The following PLAC9 variants were observed in gnomAD, a reference collection of about 807,000 sequenced individuals.
PLAC9 encodes placenta associated 9.
A neutral mutation model predicts 11.5 loss-of-function variants in PLAC9; 12 were observed. The ratio of observed to expected loss-of-function variants is 1.05; its 90% CI spans 0.67 to 1.69. The LOEUF (loss-of-function observed/expected upper bound fraction) is 1.69. Ranked by LOEUF, PLAC9 falls within the 40% of genes most tolerant of loss-of-function variation. The pLI, the probability that PLAC9 is intolerant of heterozygous loss-of-function variation, is 0.00. For missense variants in PLAC9, 132 were observed against 130.5 expected (o/e 1.01, Z -0.06); for synonymous variants, 62 against 58.1 (o/e 1.07, Z -0.31).
intron 1 of PLAC9, among the ~76,000 whole-genome samples, chr10:80,134,754 G>A (rs7071629): frequency 0.51 from 78,020 of 151,926 alleles, 21,104 homozygotes; most frequent in Non-Finnish European, 0.6. Flanking sequence ...TCATTTGTTT[G>A]ATCCAAATAA....
Position 80,144,287 on chromosome 10 carries a change from A to C in PLAC9, c.227A>C (p.Glu76Ala). Residue 76 changes from glutamate to alanine, a missense_variant, in exon 3 of 4, where the codon GAG (glutamate) becomes GCG (alanine). Physicochemically the swap from Glu to Ala is moderately radical, Grantham distance 107 (BLOSUM62 -1). Transcript: ENST00000372263. ...EVKGLLGLLE[E>A]LAWNLPPGPF... ...AAAGGCCTGCTGGGCCTGCTGGAGGAGCTGGCCTGGAACCTGCCCCCGGGA... is the reference window on the plus strand; with the variant it reads ...AAAGGCCTGCTGGGCCTGCTGGAGGCGCTGGCCTGGAACCTGCCCCCGGGA... 6.2e-7 allele frequency: 1 copy of C among 1,613,516 alleles called. No homozygotes were observed. Among genetic ancestry groups the C allele is most frequent in the Non-Finnish European group, 8.5e-7 (1 of 1,179,998 alleles).
intron 1 of PLAC9, among the ~76,000 whole-genome samples, chr10:80,136,302 C>T (rs1341502312): frequency 1.3e-5 from 2 of 152,276 alleles, no homozygotes; most frequent in East Asian, 3.9e-4. Flanking sequence ...GGTCCATTTC[C>T]CAACTGGCAG....
At chr10:80,132,552 G>T, upstream of PLAC9, 1 of 444,058 alleles carries the variant, frequency 2.3e-6, no homozygotes, top group Non-Finnish European at 4.0e-6. Flanking sequence ...GTGGCACGTC[G>T]GTGCCTCAGC....
Position 80,144,974 on chromosome 10 carries a change from G to T in PLAC9, c.*64G>T. On this transcript the variant is annotated 3_prime_UTR_variant, in exon 4 of 4. Coordinates refer to ENST00000372263, the MANE Select transcript of PLAC9 (RefSeq NM_001012973.3). ...CTGCCAGGCAGCGCCCACAGAACCA[G>T]CCCTGTCCTCTCGACTTCCTTCCTT... is the stretch of plus-strand genomic sequence containing the variant. 1.3e-6 allele frequency: 2 copies of T among 1,548,682 alleles called. No individual in the cohort carries two copies. The highest frequency in any genetic ancestry group is 8.8e-7 in the Non-Finnish European group (1 of 1,141,872).
At chr10:80,133,919 G>A (rs1485510409) in intron 1 of PLAC9, among the ~76,000 whole-genome samples, 1 of 145,370 alleles carries the variant, frequency 6.9e-6, no homozygotes, top group Non-Finnish European at 1.5e-5. Flanking sequence ...AATCCAGCCT[G>A]GGTGACAGAG....
intron 1 of PLAC9, among the ~76,000 whole-genome samples, chr10:80,133,419 C>T (rs537338386): frequency 6.6e-6 from 1 of 152,334 alleles, no homozygotes; most frequent in East Asian, 1.9e-4. Context: ...AGCCACACTC[C>T]AAAGGATGAG....
chr10:80,138,775 G>A (rs369321284), intron 1 of PLAC9, among the ~76,000 whole-genome samples: 7 of 152,160 alleles, frequency 4.6e-5, no homozygotes, highest in East Asian at 1.9e-4. Flanking sequence ...AACTGCAGAT[G>A]GCCCCTTGGC....
intron 1 of PLAC9, among the ~76,000 whole-genome samples, chr10:80,141,748 G>T (rs551709752): frequency 1.3e-5 from 2 of 152,126 alleles, no homozygotes; most frequent in African/African-American, 2.4e-5. Flanking sequence ...TCCAGCCACC[G>T]CGGGCTCCCT....
chr10:80,139,602 T>C (rs905118652), intron 1 of PLAC9, among the ~76,000 whole-genome samples: 10 of 152,162 alleles, frequency 6.6e-5, no homozygotes, highest in Non-Finnish European at 1.3e-4. Flanking sequence ...GCATCCCTCA[T>C]TCTGCACATC....
chr10:80,142,283 C>G, intron 2 of PLAC9, 104 bp downstream of exon 2: 1 of 923,352 alleles, frequency 1.1e-6, no homozygotes. Flanking sequence ...GACATCCGGG[C>G]CGATCCTGCC....
chr10:80,133,963 GAAGGA>G (rs1372359091), intron 1 of PLAC9, among the ~76,000 whole-genome samples: 1 of 146,658 alleles, frequency 6.8e-6, no homozygotes, highest in Non-Finnish European at 1.5e-5. Context: ...AAAAAAAGAA[GAAGGA>G]AAGGAGGAAA....
intron 1 of PLAC9, among the ~76,000 whole-genome samples, chr10:80,135,547 T>C (rs1189408520): frequency 1.3e-5 from 2 of 150,324 alleles, no homozygotes; most frequent in Admixed American, 6.7e-5. Context: ...CCATGTTGGC[T>C]AGGCTGGTCT....
intron 1 of PLAC9, among the ~76,000 whole-genome samples, chr10:80,138,876 C>T (rs1438312704): frequency 5.3e-5 from 8 of 152,084 alleles, no homozygotes; most frequent in South Asian, 2.1e-4. Flanking sequence ...TTTGGATGCC[C>T]GCATCCATGG....
chr10:80,145,119 C>G lies in PLAC9; in HGVS notation c.*209C>G. 1.4e-6 allele frequency: 1 copy of G among 714,152 alleles called. No homozygotes were observed. Among genetic ancestry groups the G allele is most frequent in the Non-Finnish European group, 2.5e-6 (1 of 402,822 alleles). 44.2% of individuals were successfully genotyped at this position (714,152 alleles called of 1,614,324 possible). A position where few individuals can be genotyped will look rare whatever the true frequency, so the allele number is the denominator to read the frequency against. ...CCTGGAGGAAGCCTGCAACCCCCTC[C>G]AGGCTCAGACCTGGGGACACCCCCA... On this transcript the variant is annotated 3_prime_UTR_variant, in exon 4 of 4. Transcript: ENST00000372263.
At chr10:80,144,056 T>C in intron 2 of PLAC9, 167 bp from the exon 3 acceptor site, 1 of 863,858 alleles carries the variant, frequency 1.2e-6, no homozygotes, top group Non-Finnish European at 1.8e-6. Context: ...CTGGGGAAAC[T>C]GAGGCAGGTA....
chr10:80,135,308 C>T (rs1025856962), intron 1 of PLAC9, among the ~76,000 whole-genome samples: 15 of 143,414 alleles, frequency 1.0e-4, no homozygotes, highest in Non-Finnish European at 2.2e-4. Context: ...AGGTGTGAGC[C>T]ACTGCGCCCG....
At chr10:80,138,725 T>A (rs1286277323) in intron 1 of PLAC9, among the ~76,000 whole-genome samples, 1 of 152,174 alleles carries the variant, frequency 6.6e-6, no homozygotes, top group East Asian at 1.9e-4. Flanking sequence ...ACATCCATCA[T>A]CAGCTCTGTC....
chr10:80,140,149 T>C (rs1476123811), intron 1 of PLAC9, among the ~76,000 whole-genome samples: 1 of 152,070 alleles, frequency 6.6e-6, no homozygotes, highest in African/African-American at 2.4e-5. Context: ...GTTCAGGAAG[T>C]TCATCCTTGG....
chr10:80,138,909 C>G (rs7070596), intron 1 of PLAC9, among the ~76,000 whole-genome samples: 21,491 of 151,292 alleles, frequency 0.14, 2,759 homozygotes, highest in African/African-American at 0.35. Context: ...TATTGTCACT[C>G]TCTGAAGCTG....
Sources: allele counts gnomAD v4.1 joint callset (sites outside exome capture counted in the v4.1 genomes callset), GRCh38; gene constraint gnomAD v4.1.1; transcripts MANE v1.5; gene names NCBI Gene and HGNC (gene_info 2026-07-23, HGNC 2026-07-21).